The following CAPN2 variants were observed in gnomAD, a reference collection of about 807,000 sequenced individuals.
CAPN2 encodes the protein calpain 2, also known as calpain-2 catalytic subunit.
A neutral mutation model predicts 102.3 loss-of-function variants in CAPN2; 92 were observed. The observed-to-expected ratio is 0.90, with a 90% CI of 0.76 to 1.07. The LOEUF (loss-of-function observed/expected upper bound fraction) is 1.07, where lower values mean the gene tolerates loss of function less well. Ranked by LOEUF, CAPN2 falls within the 50% of genes least tolerant of loss-of-function variation. The pLI is 0.00. For synonymous variants in CAPN2, 340 were observed against 355.4 expected, an observed-to-expected ratio of 0.96 and a Z score of 0.49; for missense variants, 800 against 909.4, an observed-to-expected ratio of 0.88 and a Z score of 1.55.
At chr1:223,734,444 C>T (rs978066119) in intron 2 of CAPN2, among the ~76,000 whole-genome samples, 1 of 152,202 alleles carries the variant, frequency 6.6e-6, no homozygotes, top group African/African-American at 2.4e-5. Context: ...CACCAGGACA[C>T]CTCGCCCAGT....
chr1:223,727,014 C>T lies in CAPN2; in HGVS notation c.307+9183C>T, dbSNP rs1345112342. On this transcript the variant is annotated intron_variant, in intron 2 of 20. Transcript: ENST00000295006. The surrounding 1 kb of genome is among the most constrained non-coding windows in gnomAD (Gnocchi z 4.1). ...TTTCAGAGGTTCCTTCTCCTCCCTT[C>T]CAAAGCGAAGACCCACAGCTGCCTG... Among the ~76,000 whole-genome samples the T allele has an allele frequency of 2.0e-5, 3 of 152,308 alleles. No homozygotes were observed. The highest frequency in any genetic ancestry group is 1.9e-4 in the East Asian group (1 of 5,170).
chr1:223,710,469 G>A (rs935489897), upstream of CAPN2, among the ~76,000 whole-genome samples: 5 of 151,414 alleles, frequency 3.3e-5, no homozygotes, highest in Non-Finnish European at 5.9e-5. Context: ...CCCTACCCCC[G>A]CCAACCATCT....
intron 18 of CAPN2, 134 bp downstream of exon 18, chr1:223,770,659 C>T (rs1571822706): frequency 1.7e-6 from 1 of 576,310 alleles, no homozygotes; most frequent in Non-Finnish European, 3.1e-6. Context: ...ATACAGACAC[C>T]TCCTTTTCAT....
At chr1:223,765,084 C>G (rs1028838704) in intron 15 of CAPN2, among the ~76,000 whole-genome samples, 3 of 152,194 alleles carry the variant, frequency 2.0e-5, no homozygotes, top group Admixed American at 1.3e-4. Flanking sequence ...TTGAACATAT[C>G]AGAAGTTAGG....
chr1:223,769,594 G>C (rs1661420108), intron 16 of CAPN2, among the ~76,000 whole-genome samples: 1 of 152,042 alleles, frequency 6.6e-6, no homozygotes, highest in Admixed American at 6.5e-5. Flanking sequence ...GTAGTATCTG[G>C]GGCCTCCACA....
intron 2 of CAPN2, among the ~76,000 whole-genome samples, chr1:223,740,313 G>A (rs1660580725): frequency 1.3e-5 from 2 of 152,170 alleles, no homozygotes; most frequent in African/African-American, 4.8e-5. Context: ...ACTCAGCAAG[G>A]ACATTTTTAT....
chr1:223,730,010 CAAAAAA>C (rs57382658), intron 2 of CAPN2, among the ~76,000 whole-genome samples: 4,533 of 79,536 alleles, frequency 0.057, 230 homozygotes, highest in African/African-American at 0.2. Flanking sequence ...CCCAAAAAAC[CAAAAAA>C]AAAAAAAAAA....
intron 1 of CAPN2, among the ~76,000 whole-genome samples, chr1:223,703,723 C>A (rs557563773): frequency 6.6e-6 from 1 of 152,318 alleles, no homozygotes; most frequent in Admixed American, 6.5e-5. Flanking sequence ...ACAGGACTTA[C>A]CCCCAATAAG....
intron 2 of CAPN2, 105 bp downstream of exon 2, chr1:223,717,936 C>A: frequency 1.2e-6 from 1 of 833,002 alleles, no homozygotes; most frequent in Non-Finnish European, 2.0e-6. Flanking sequence ...AGCAGCTTGG[C>A]AATTTCTATT....
chr1:223,750,325 C>T (rs189401192), intron 6 of CAPN2, among the ~76,000 whole-genome samples: 25 of 152,294 alleles, frequency 1.6e-4, no homozygotes, highest in African/African-American at 5.5e-4. Flanking sequence ...CTCCTCAATA[C>T]TTCAGCATTT....
rs1382515776 is a variant in CAPN2 at position 223,741,435 on chromosome 1, A to ATAT, written c.308-2665_308-2664insTAT. 4.4e-4 allele frequency among the ~76,000 whole-genome samples: 18 copies of ATAT among 40,562 alleles called. 1 individual carries two copies. The highest frequency in any genetic ancestry group is 0.011 in the Middle Eastern group (1 of 92). 26.6% of individuals were successfully genotyped at this position (40,562 alleles called of 152,430 possible). On this transcript the variant is annotated intron_variant, in intron 2 of 20. Coordinates refer to ENST00000295006, the MANE Select transcript of CAPN2 (RefSeq NM_001748.5). ...GGCTGTAAAATGTATATATATATATAATGTGTATATATATATATATATATA... is the reference window on the plus strand; with the variant it reads ...GGCTGTAAAATGTATATATATATATATATATGTGTATATATATATATATATATA...
At chr1:223,721,605 C>T (rs186694850) in intron 2 of CAPN2, among the ~76,000 whole-genome samples, 411 of 152,326 alleles carry the variant, frequency 2.7e-3, no homozygotes, top group African/African-American at 9.5e-3. Flanking sequence ...CAACCTGCCT[C>T]CTTCTCAAGA....
chr1:223,744,197 T>G lies in CAPN2; in HGVS notation c.405T>G (p.Tyr135Ter), dbSNP rs768805892. 6.2e-7 allele frequency: 1 copy of G among 1,612,552 alleles called. No homozygotes were observed. The highest frequency in any genetic ancestry group is 8.5e-7 in the Non-Finnish European group (1 of 1,178,654). ...VPLNQSFQEN[Y>*]AGIFHFQFWQ... ...TAAACCAGAGCTTCCAGGAAAACTA[T>G]GCAGGGATCTTTCACTTCCAGGTAA... Residue 135 changes from tyrosine to a stop codon, truncating the protein, a stop_gained, in exon 3 of 21, where the codon TAT becomes TAG. Transcript: ENST00000295006. LOFTEE classifies it high-confidence loss of function.
chr1:223,710,168 T>C (rs1437128051), upstream of CAPN2, among the ~76,000 whole-genome samples: 4 of 152,086 alleles, frequency 2.6e-5, no homozygotes, highest in East Asian at 7.7e-4. Context: ...CCCAGCTACG[T>C]TGGAGGCTGA....
intron 5 of CAPN2, 116 bp from the exon 6 acceptor site, chr1:223,748,923 C>T (rs1279789918): frequency 1.3e-5 from 12 of 904,494 alleles, no homozygotes; most frequent in South Asian, 2.8e-5. Flanking sequence ...CCCCAGGCCT[C>T]GGCCGCTGCG....
Position 223,752,862 on chromosome 1 carries a change from T to A in CAPN2, c.1041T>A (p.Thr347=). The change falls in exon 9 of 21, where the codon ACT becomes ACA. Residue 347 remains threonine (T), a synonymous_variant. Transcript: ENST00000295006. ...RLEICNLTPD[T]LTSDTYKKWK... ...AGATCTGTAACCTGACCCCAGACAC[T>A]CTCACCAGCGATACCTACAAGAAGT... 2 of 1,614,032 alleles carry A rather than the reference T, an allele frequency of 1.2e-6. No homozygotes were observed. The highest frequency in any genetic ancestry group is 1.3e-5 in the African/African-American group (1 of 75,010).
At chr1:223,757,440 G>A (rs1661064610) in intron 11 of CAPN2, 60 bp downstream of exon 11, 4 of 1,599,542 alleles carry the variant, frequency 2.5e-6, no homozygotes, top group South Asian at 1.1e-5. Context: ...GGCTTAGACT[G>A]CTGGAGCTCA....
intron 2 of CAPN2, among the ~76,000 whole-genome samples, chr1:223,738,889 G>A (rs567682230): frequency 5.9e-5 from 9 of 152,362 alleles, no homozygotes; most frequent in Admixed American, 2.0e-4. Flanking sequence ...GCCGAGCCAC[G>A]CTCTCAGAGA....
At chr1:223,709,768 A>T (rs1457642979), upstream of CAPN2, among the ~76,000 whole-genome samples, 1 of 152,214 alleles carries the variant, frequency 6.6e-6, no homozygotes, top group Non-Finnish European at 1.5e-5. Flanking sequence ...TGACGTGAAG[A>T]GTACTGAAAT....
Sources: gnomAD v4.1 joint callset for allele counts (sites outside exome capture counted in the v4.1 genomes callset) on GRCh38, gnomAD v4.1.1 for gene constraint, Gnocchi (gnomAD v3.1) non-coding constraint, MANE v1.5 for transcripts, NCBI Gene and HGNC (gene_info 2026-07-23, HGNC 2026-07-21) for gene names.